OLFML2A: variants seen among roughly 807,000 people sequenced by gnomAD.
The protein encoded by OLFML2A is olfactomedin-like protein 2A.
A neutral mutation model predicts 60.9 loss-of-function variants in OLFML2A; 47 were observed. That is an observed-to-expected ratio of 0.77 (90% CI 0.61 to 0.98). OLFML2A has a LOEUF of 0.98. Ranked by LOEUF, OLFML2A falls within the 50% of genes least tolerant of loss-of-function variation. The pLI is 0.00. For missense variants in OLFML2A, 922 were observed against 879.8 expected (o/e 1.05, Z -0.61); for synonymous variants, 372 against 375.0 (o/e 0.99, Z 0.09).
At chr9:124,800,620 G>A (rs747606293) in intron 4 of OLFML2A, among the ~76,000 whole-genome samples, 16 of 152,228 alleles carry the variant, frequency 1.1e-4, no homozygotes, top group South Asian at 2.1e-4. Flanking sequence ...CCTAGATGCC[G>A]ATAAAGCAGC....
chr9:124,801,334 C>A, intron 4 of OLFML2A, 80 bp from the exon 5 acceptor site: 2 of 1,457,088 alleles, frequency 1.4e-6, no homozygotes, highest in South Asian at 2.5e-5. Context: ...CACCTCCAGT[C>A]CCCACATGCT....
At chr9:124,787,372 G>A in intron 2 of OLFML2A, 134 bp downstream of exon 2, 1 of 824,390 alleles carries the variant, frequency 1.2e-6, no homozygotes, top group Non-Finnish European at 1.9e-6. Flanking sequence ...GGAAACTGAG[G>A]CTCCCTGAGG....
At chr9:124,783,146 C>A (rs775452086) in intron 1 of OLFML2A, among the ~76,000 whole-genome samples, 17 of 151,888 alleles carry the variant, frequency 1.1e-4, no homozygotes, top group Admixed American at 8.5e-4. Context: ...CTCCCTGCCT[C>A]TTACTTTCCC....
intron 3 of OLFML2A, among the ~76,000 whole-genome samples, chr9:124,796,988 G>A (rs1841681060): frequency 6.6e-6 from 1 of 152,124 alleles, no homozygotes; most frequent in African/African-American, 2.4e-5. Flanking sequence ...GTCATCCCTG[G>A]GATCTAGTTT....
intron 1 of OLFML2A, among the ~76,000 whole-genome samples, chr9:124,786,767 C>T (rs2131248048): frequency 6.6e-6 from 1 of 150,716 alleles, no homozygotes; most frequent in East Asian, 2.0e-4. Flanking sequence ...CACACACACA[C>T]ACACACACAC....
chr9:124,777,941 T>G lies in OLFML2A; in HGVS notation c.90+581T>G, dbSNP rs1456023633. 6.6e-6 allele frequency among the ~76,000 whole-genome samples: 1 copy of G among 152,148 alleles called. No homozygotes were observed. Among genetic ancestry groups the G allele is most frequent in the Admixed American group, 6.5e-5 (1 of 15,276 alleles). ...AAGCCGACCTGGGTTCAGTCGCACA[T>G]CCGCTTCTCATCCGCCATCGCCCAT... On this transcript the variant is annotated intron_variant, in intron 1 of 7. Transcript: ENST00000373580. The surrounding 1 kb of genome is among the most constrained non-coding windows in gnomAD (Gnocchi z 6.2).
chr9:124,804,074 C>T lies in OLFML2A; in HGVS notation c.920-20C>T, dbSNP rs1021842888. On this transcript the variant is annotated intron_variant, in intron 5 of 7. Transcript: ENST00000373580. ...AGCAGGTGGTGCTGAGATTTGAGCA[C>T]AGGGGTCTTCTCTCTGCAGACAACA... The T allele has an allele frequency of 1.1e-5, 18 of 1,611,932 alleles. No individual in the cohort carries two copies. The East Asian group carries it at 4.0e-4, about 36-fold the overall frequency.
Position 124,804,176 on chromosome 9 carries a change from C to T in OLFML2A, c.1002C>T (p.Ser334=), listed in dbSNP as rs771752032. The change falls in exon 6 of 8, where the codon TCC becomes TCT. Residue 334 remains serine (S), a synonymous_variant. Coordinates refer to ENST00000373580, the MANE Select transcript of OLFML2A (RefSeq NM_182487.4). ...EGRSNSAEPN[S]AEQDEAEPRS... ...GGTCCAACTCCGCAGAGCCCAACTC[C>T]GCAGAGCAGGATGAGGCTGAGCCCA... The T allele has an allele frequency of 5.6e-6, 9 of 1,613,970 alleles. No individual in the cohort carries two copies. The highest frequency in any genetic ancestry group is 1.3e-5 in the African/African-American group (1 of 74,912).
intron 7 of OLFML2A, among the ~76,000 whole-genome samples, chr9:124,809,327 G>A (rs1841957130): frequency 6.6e-6 from 1 of 152,230 alleles, no homozygotes; most frequent in African/African-American, 2.4e-5. Context: ...GACGTGTCCT[G>A]GGGGGATAAA....
At chr9:124,784,244 T>A (rs1312421904) in intron 1 of OLFML2A, among the ~76,000 whole-genome samples, 1 of 151,818 alleles carries the variant, frequency 6.6e-6, no homozygotes, top group East Asian at 1.9e-4. Context: ...TGCTCTCTTG[T>A]CCAGGCTGGA....
At chr9:124,799,773 A>C (rs1841739845) in intron 4 of OLFML2A, among the ~76,000 whole-genome samples, 1 of 152,124 alleles carries the variant, frequency 6.6e-6, no homozygotes, top group African/African-American at 2.4e-5. Context: ...CCAAGCTTGA[A>C]ACTAGTAGGG....
At chr9:124,802,912 ATT>A (rs542874521) in intron 5 of OLFML2A, among the ~76,000 whole-genome samples, 3 of 147,476 alleles carry the variant, frequency 2.0e-5, no homozygotes, top group Non-Finnish European at 3.0e-5. Flanking sequence ...TGGTGTCACA[ATT>A]TTTTTTTTTT....
intron 3 of OLFML2A, among the ~76,000 whole-genome samples, chr9:124,798,613 C>T (rs950483037): frequency 4.0e-5 from 6 of 151,572 alleles, no homozygotes; most frequent in African/African-American, 1.5e-4. Flanking sequence ...GCGGGCGGAT[C>T]ACTTGAGGCC....
At chr9:124,805,808 G>GTTTTTTTTTTTTTTTTTTTTTTT (rs59555267) in intron 6 of OLFML2A, among the ~76,000 whole-genome samples, 1 of 71,266 alleles carries the variant, frequency 1.4e-5, no homozygotes, top group African/African-American at 5.4e-5. Context: ...GGTTTTTTTG[G>GTTTTTTTTTTTTTTTTTTTTTTT]TTTTTTTTTT....
intron 3 of OLFML2A, among the ~76,000 whole-genome samples, chr9:124,795,504 C>T (rs537673289): frequency 5.3e-5 from 8 of 152,332 alleles, no homozygotes; most frequent in African/African-American, 1.9e-4. Context: ...AGTGGCCTGG[C>T]GCAGTGCCTC....
At chr9:124,807,563 G>T (rs571630129) in intron 6 of OLFML2A, among the ~76,000 whole-genome samples, 1 of 152,188 alleles carries the variant, frequency 6.6e-6, no homozygotes, top group African/African-American at 2.4e-5. Context: ...GATTATAGGC[G>T]TCAGCCATTG....
chr9:124,794,355 G>A (rs1841624614), intron 2 of OLFML2A, among the ~76,000 whole-genome samples: 1 of 152,208 alleles, frequency 6.6e-6, no homozygotes, highest in South Asian at 2.1e-4. Flanking sequence ...GCCAGGGACG[G>A]GCACAAAATC....
intron 2 of OLFML2A, among the ~76,000 whole-genome samples, chr9:124,791,756 A>ATG (rs1173199006): frequency 6.6e-6 from 1 of 151,020 alleles, no homozygotes; most frequent in African/African-American, 2.4e-5. Flanking sequence ...AAAAAAAAAA[A>ATG]AAAGAAAGAA....
intron 2 of OLFML2A, among the ~76,000 whole-genome samples, chr9:124,790,493 A>T (rs527570423): frequency 1.2e-4 from 19 of 152,184 alleles, no homozygotes; most frequent in Middle Eastern, 3.4e-3. Context: ...GGAATTCTCT[A>T]CTTTGTCCCC....
Sources: allele counts gnomAD v4.1 joint callset (sites outside exome capture counted in the v4.1 genomes callset), GRCh38; gene constraint gnomAD v4.1.1; non-coding constraint Gnocchi (gnomAD v3.1); transcripts MANE v1.5; gene names NCBI Gene and HGNC (gene_info 2026-07-23, HGNC 2026-07-21).